Variants in EHMT1 observed in about 807,000 individuals in gnomAD.
EHMT1 encodes the protein histone-lysine N-methyltransferase EHMT1.
A neutral mutation model predicts 147.2 loss-of-function variants in EHMT1; 15 were observed. The observed-to-expected ratio is 0.10, with a 90% CI of 0.07 to 0.16. The LOEUF is 0.16. Among genes scored for constraint, EHMT1 ranks in the 10% least tolerant of loss-of-function variants. The probability of loss-of-function intolerance (pLI) is 1.00; values close to 1 mark genes in which losing one functional copy is unlikely to be tolerated. For synonymous variants in EHMT1, 795 were observed against 709.6 expected, an observed-to-expected ratio of 1.12 and a Z score of -1.91; for missense variants, 1,587 against 1,772.4, an observed-to-expected ratio of 0.90 and a Z score of 1.88.
chr9:137,666,943 T>C (rs1297891148), intron 1 of EHMT1: 1 of 152,236 alleles, frequency 6.6e-6, no homozygotes. Flanking sequence ...GATTGGTTCA[T>C]AGCTGCCTGT....
At chr9:137,767,211 C>T (rs1249692245) in intron 10 of EHMT1, among the ~76,000 whole-genome samples, 1 of 152,198 alleles carries the variant, frequency 6.6e-6, no homozygotes, top group East Asian at 1.9e-4. Context: ...ATTCAAACTC[C>T]TGCACTCAAG....
Position 137,817,791 on chromosome 9 carries a change from C to G in EHMT1, c.3461+266C>G, listed in dbSNP as rs948954507. 16 of 622,234 alleles carry G rather than the reference C, an allele frequency of 2.6e-5. 1 individual carries two copies. In the Middle Eastern group the frequency reaches 2.1e-3, roughly 83 times the overall value. 38.5% of individuals were successfully genotyped at this position (622,234 alleles called of 1,614,324 possible). On this transcript the variant is annotated intron_variant, in intron 24 of 26. Coordinates refer to ENST00000460843, the MANE Select transcript of EHMT1 (RefSeq NM_024757.5). ...GTGGTCCAGTTAGGAAGGCGTGGTC[C>G]AGCATGGGCAGTCATCTCTAGGGGA...
At chr9:137,803,612 A>C (rs2137451425) in intron 18 of EHMT1, among the ~76,000 whole-genome samples, 1 of 152,238 alleles carries the variant, frequency 6.6e-6, no homozygotes, top group Non-Finnish European at 1.5e-5. Context: ...GTGAATACTC[A>C]TGCCTTCATT....
At chr9:137,714,412 A>G (rs938125585) in intron 2 of EHMT1, among the ~76,000 whole-genome samples, 2 of 151,906 alleles carry the variant, frequency 1.3e-5, no homozygotes, top group African/African-American at 2.4e-5. Context: ...ATTTTGTTCT[A>G]TTGATATTTG....
chr9:137,668,509 A>G (rs1939962288), intron 1 of EHMT1, among the ~76,000 whole-genome samples: 1 of 152,152 alleles, frequency 6.6e-6, no homozygotes, highest in African/African-American at 2.4e-5. Context: ...ATATACCAGA[A>G]CTACTAGTAC....
chr9:137,665,652 C>A (rs1412395311), intron 1 of EHMT1, among the ~76,000 whole-genome samples: 1 of 152,204 alleles, frequency 6.6e-6, no homozygotes, highest in Non-Finnish European at 1.5e-5. Context: ...CAGAGCTAAT[C>A]CTGAGAGGCC....
rs527573419 is a variant in EHMT1 at position 137,677,938 on chromosome 9, G to A, written c.22-33029G>A. Among the ~76,000 whole-genome samples the A allele has an allele frequency of 9.3e-5, 14 of 151,174 alleles. 1 individual carries two copies. The South Asian group carries it at 2.7e-3, about 29-fold the overall frequency. ...AAAAAAAAAAGCCGGGCGTGGCGGC[G>A]GGCGCCTGTAGTCCCAGCTACTCAG... On this transcript the variant is annotated intron_variant, in intron 1 of 26. Coordinates refer to ENST00000460843, the MANE Select transcript of EHMT1 (RefSeq NM_024757.5).
In EHMT1 at chr9:137,835,061, C is replaced by T. The variant is rs968871562; in HGVS notation, c.*108C>T. 41 of 1,258,916 alleles carry T rather than the reference C, an allele frequency of 3.3e-5. No individual in the cohort carries two copies. The African/African-American group carries it at 3.5e-4, about 11-fold the overall frequency. The allele number at this position is 1,258,916 out of a possible 1,614,324, so 78.0% of individuals were successfully genotyped here. A position where few individuals can be genotyped will look rare whatever the true frequency, so the allele number is the denominator to read the frequency against. ...CAACCGAAAGGGTCCTTCGGGGCTG[C>T]GCCGCCGGCTTCCTGGAGGGGTCGG... On this transcript the variant is annotated 3_prime_UTR_variant, in exon 27 of 27. Coordinates refer to ENST00000460843, the MANE Select transcript of EHMT1 (RefSeq NM_024757.5).
chr9:137,740,452 T>G (rs895001480), intron 4 of EHMT1, among the ~76,000 whole-genome samples: 11 of 152,100 alleles, frequency 7.2e-5, no homozygotes, highest in Non-Finnish European at 1.5e-4. Context: ...TCTTCGAAGC[T>G]TACTGCCAGC....
At chr9:137,830,126 A>G (rs761566931) in intron 25 of EHMT1, among the ~76,000 whole-genome samples, 4 of 148,924 alleles carry the variant, frequency 2.7e-5, no homozygotes, top group Non-Finnish European at 5.9e-5. Context: ...ACATTTTTAC[A>G]TGTGTGTTTG....
intron 15 of EHMT1, among the ~76,000 whole-genome samples, chr9:137,783,454 T>C (rs1193945925): frequency 6.6e-6 from 1 of 152,256 alleles, no homozygotes; most frequent in Non-Finnish European, 1.5e-5. Flanking sequence ...AGCCTCTTTT[T>C]CTTCCCTTAT....
intron 3 of EHMT1, among the ~76,000 whole-genome samples, chr9:137,723,371 T>C (rs796092055): frequency 3.9e-5 from 5 of 127,806 alleles, no homozygotes; most frequent in African/African-American, 6.2e-5. Flanking sequence ...CCGGGGTGTG[T>C]CTGTGTCCGT....
In EHMT1 at chr9:137,794,142, T is replaced by C. The variant is rs185973335; in HGVS notation, c.2505+3172T>C. Among the ~76,000 whole-genome samples, 3 of 152,368 alleles carry C rather than the reference T, an allele frequency of 2.0e-5. No homozygotes were observed. The East Asian group carries it at 5.8e-4, about 29-fold the overall frequency. On this transcript the variant is annotated intron_variant, in intron 16 of 26. Transcript: ENST00000460843. ...ATGTCACATTAAACTTTCACTGTTT[T>C]CTCATTAAATATTATTCTTTGAAAC...
chr9:137,801,919 G>T (rs1007565060), intron 18 of EHMT1, among the ~76,000 whole-genome samples: 1 of 152,062 alleles, frequency 6.6e-6, no homozygotes. Context: ...GAGCCACCAC[G>T]CCTGGCCCCT....
chr9:137,627,726 G>C (rs1285131313), intron 1 of EHMT1, among the ~76,000 whole-genome samples: 1 of 149,962 alleles, frequency 6.7e-6, no homozygotes, highest in African/African-American at 2.5e-5. Context: ...TTGAGACAGA[G>C]TCTTGGTCTT....
intron 4 of EHMT1, among the ~76,000 whole-genome samples, chr9:137,734,134 A>C (rs1205289070): frequency 2.0e-5 from 3 of 152,246 alleles, no homozygotes; most frequent in Admixed American, 2.0e-4. Context: ...TGCAAAAATA[A>C]GTCAACAGAA....
chr9:137,744,095 G>A lies in EHMT1; in HGVS notation c.1170+5G>A, dbSNP rs750889672. On this transcript the variant is annotated splice_donor_5th_base_variant and intron_variant, in intron 6 of 26. Coordinates refer to ENST00000460843, the MANE Select transcript of EHMT1 (RefSeq NM_024757.5). ...GAGGCTGATCGCGCCCAGAAGGTAT[G>A]TGTTGCTGTCTTGGGTGACAGCACA... 1 of 1,613,984 alleles carries A rather than the reference G, an allele frequency of 6.2e-7. No homozygotes were observed. Among genetic ancestry groups the A allele is most frequent in the Non-Finnish European group, 8.5e-7 (1 of 1,180,042 alleles).
chr9:137,623,619 ACTT>A (rs1303580953), intron 1 of EHMT1, among the ~76,000 whole-genome samples: 1 of 151,456 alleles, frequency 6.6e-6, no homozygotes, highest in East Asian at 1.9e-4. Context: ...CGGGGTTTCA[ACTT>A]CTTGGCGAGG....
chr9:137,758,316 G>A (rs557753094), intron 9 of EHMT1, among the ~76,000 whole-genome samples: 8 of 152,246 alleles, frequency 5.3e-5, no homozygotes, highest in Non-Finnish European at 8.8e-5. Context: ...ACGGCCAGAC[G>A]CCCTCCCTGG....
Sources: gnomAD v4.1 joint callset for allele counts (sites outside exome capture counted in the v4.1 genomes callset) on GRCh38, gnomAD v4.1.1 for gene constraint, MANE v1.5 for transcripts, NCBI Gene and HGNC (gene_info 2026-07-23, HGNC 2026-07-21) for gene names.